HECW2: variants seen among roughly 807,000 people sequenced by gnomAD.
HECW2 encodes E3 ubiquitin-protein ligase HECW2.
A neutral mutation model predicts 175.2 loss-of-function variants in HECW2; 61 were observed. The ratio of observed to expected loss-of-function variants is 0.35; its 90% CI spans 0.28 to 0.43. The LOEUF is 0.43. Among genes scored for constraint, HECW2 ranks in the 20% least tolerant of loss-of-function variants. The pLI is 1.00. For synonymous variants in HECW2, 671 were observed against 731.0 expected (o/e 0.92, Z 1.32); for missense variants, 1,524 against 2,000.5 (o/e 0.76, Z 4.54).
intron 1 of HECW2, among the ~76,000 whole-genome samples, chr2:196,496,426 C>T (rs1400101482): frequency 1.3e-5 from 2 of 151,542 alleles, no homozygotes; most frequent in African/African-American, 4.9e-5. Flanking sequence ...ATATATAGTA[C>T]ATATATTTAT....
rs566863421 is a variant in HECW2 at position 196,563,480 on chromosome 2, C to T, written c.-36+30028G>A. 2.8e-5 allele frequency among the ~76,000 whole-genome samples: 4 copies of T among 141,358 alleles called. No individual in the cohort carries two copies. The South Asian group carries it at 8.3e-4, about 29-fold the overall frequency. 92.7% of individuals were successfully genotyped at this position (141,358 alleles called of 152,430 possible). ...ACCCAGGAGGCTGAGGCAGGAGAAT[C>T]GCTTGAACCCAGGAGGCGGAGGTTG... On this transcript the variant is annotated intron_variant, in intron 1 of 28. Transcript: ENST00000644978.
intron 3 of HECW2, among the ~76,000 whole-genome samples, chr2:196,334,937 A>G (rs1263102996): frequency 1.3e-5 from 2 of 152,190 alleles, no homozygotes; most frequent in African/African-American, 4.8e-5. Flanking sequence ...GGTCAGACAG[A>G]TAAGAAATGA....
chr2:196,555,720 G>GA (rs1689771405), intron 1 of HECW2, among the ~76,000 whole-genome samples: 1 of 152,098 alleles, frequency 6.6e-6, no homozygotes, highest in Non-Finnish European at 1.5e-5. Context: ...TTTTTAAAAA[G>GA]AAAAGACAGC....
chr2:196,387,255 T>C (rs1465128085), intron 2 of HECW2, among the ~76,000 whole-genome samples: 1 of 152,158 alleles, frequency 6.6e-6, no homozygotes, highest in African/African-American at 2.4e-5. Context: ...GGTCTGGATG[T>C]GTCTCTCAAA....
chr2:196,581,715 G>T (rs1690792347), intron 1 of HECW2, among the ~76,000 whole-genome samples: 1 of 152,054 alleles, frequency 6.6e-6, no homozygotes, highest in African/African-American at 2.4e-5. Context: ...CTTATAATCA[G>T]TTCAGGTCAA....
chr2:196,536,434 G>A (rs1689025450), intron 1 of HECW2, among the ~76,000 whole-genome samples: 1 of 152,198 alleles, frequency 6.6e-6, no homozygotes, highest in Admixed American at 6.5e-5. Context: ...TTGCTTTCCA[G>A]AGGATGTGTC....
At position 196,271,226 on chromosome 2, in the gene HECW2, C is replaced by T. The variant is rs754076339; in HGVS notation, c.3302G>A (p.Arg1101His). Reference protein sequence around the residue: ...QPNIFEILQERQPDLTRNHSL... With the variant: ...QPNIFEILQEHQPDLTRNHSL... ...GTGATTCCTGGTAAGATCAGGTTGA[C>T]GCTCCTGTAGAATTTCAAAGATATT... Residue 1101 changes from arginine to histidine, a missense_variant, in exon 17 of 29, where the codon CGT becomes CAT. Transcript: ENST00000644978. 4.3e-6 allele frequency: 7 copies of T among 1,610,308 alleles called. No individual in the cohort carries two copies. Among genetic ancestry groups the T allele is most frequent in the East Asian group, 2.2e-5 (1 of 44,854 alleles).
At chr2:196,570,229 T>C (rs1009291065) in intron 1 of HECW2, among the ~76,000 whole-genome samples, 1 of 152,238 alleles carries the variant, frequency 6.6e-6, no homozygotes, top group South Asian at 2.1e-4. Flanking sequence ...ATGATCCTTA[T>C]GGTACTTTAC....
At position 196,347,046 on chromosome 2, in the gene HECW2, T is replaced by TTTTA. The variant is rs199883743; in HGVS notation, c.293-3286_293-3283dup. On this transcript the variant is annotated intron_variant, in intron 2 of 28. Coordinates refer to ENST00000644978, the MANE Select transcript of HECW2 (RefSeq NM_001348768.2). ...AAAATTCCATTTCCGTTTGGTGACT[T>TTTTA]TTTATTTATTTATTTATTTTTTTTG... is the stretch of plus-strand genomic sequence containing the variant. Among the ~76,000 whole-genome samples, 187 of 151,598 alleles carry TTTTA rather than the reference T, an allele frequency of 1.2e-3. 1 individual carries two copies. The highest frequency in any genetic ancestry group is 4.2e-3 in the African/African-American group (175 of 41,338).
intron 2 of HECW2, among the ~76,000 whole-genome samples, chr2:196,402,110 A>G (rs1575504434): frequency 1.4e-5 from 2 of 147,654 alleles, no homozygotes; most frequent in Non-Finnish European, 3.0e-5. Context: ...CTGAGGCAGG[A>G]GAATGGCATG....
intron 1 of HECW2, among the ~76,000 whole-genome samples, chr2:196,491,803 T>C (rs1266990526): frequency 6.6e-6 from 1 of 151,978 alleles, no homozygotes; most frequent in Non-Finnish European, 1.5e-5. Context: ...ATCTAATCTC[T>C]TCCGTATTAT....
At chr2:196,460,984 G>T (rs1295669636) in intron 1 of HECW2, among the ~76,000 whole-genome samples, 1 of 151,922 alleles carries the variant, frequency 6.6e-6, no homozygotes, top group East Asian at 1.9e-4. Context: ...AATTACGTGA[G>T]AAAATATTCT....
chr2:196,359,100 G>C (rs1471075783), intron 2 of HECW2, among the ~76,000 whole-genome samples: 1 of 152,102 alleles, frequency 6.6e-6, no homozygotes, highest in African/African-American at 2.4e-5. Flanking sequence ...GAGTTACCAG[G>C]AATGATAATA....
intron 1 of HECW2, among the ~76,000 whole-genome samples, chr2:196,549,246 T>C (rs375039388): frequency 6.6e-6 from 1 of 152,286 alleles, no homozygotes; most frequent in Admixed American, 6.5e-5. Context: ...GGTCAAAAAA[T>C]AGAGCACAGT....
intron 4 of HECW2, among the ~76,000 whole-genome samples, chr2:196,331,720 G>C (rs1692367920): frequency 1.3e-5 from 2 of 152,128 alleles, no homozygotes; most frequent in Non-Finnish European, 2.9e-5. Flanking sequence ...CACAGAAAAA[G>C]TGTCCTGAAC....
intron 2 of HECW2, among the ~76,000 whole-genome samples, chr2:196,371,112 C>T (rs1575471701): frequency 6.6e-6 from 1 of 152,152 alleles, no homozygotes; most frequent in East Asian, 1.9e-4. Flanking sequence ...TCTTGCTCTG[C>T]CCCCTAAAGT....
At chr2:196,569,677 T>C (rs1559180422) in intron 1 of HECW2, among the ~76,000 whole-genome samples, 1 of 152,214 alleles carries the variant, frequency 6.6e-6, no homozygotes, top group East Asian at 1.9e-4. Flanking sequence ...CCAGTGTAAT[T>C]ATCATACTCA....
At chr2:196,205,944 A>T (rs889339550) in intron 28 of HECW2, among the ~76,000 whole-genome samples, 3 of 152,190 alleles carry the variant, frequency 2.0e-5, no homozygotes, top group Non-Finnish European at 2.9e-5. Context: ...TAGTGTGGTT[A>T]AATAAATTGC....
rs557330736 is a variant in HECW2, at chr2:196,346,723, G to A, written c.293-2959C>T. 5.3e-5 allele frequency among the ~76,000 whole-genome samples: 8 copies of A among 152,092 alleles called. No individual in the cohort carries two copies. In the East Asian group the frequency reaches 9.7e-4, roughly 18 times the overall value. ...CATGTAGAAAATTCCATTTCCAGCC[G>A]GGCACAGTGGCTCACACCTGTAATC... On this transcript the variant is annotated intron_variant, in intron 2 of 28. Coordinates refer to ENST00000644978, the MANE Select transcript of HECW2 (RefSeq NM_001348768.2).
Sources: allele counts gnomAD v4.1 joint callset (sites outside exome capture counted in the v4.1 genomes callset), GRCh38; gene constraint gnomAD v4.1.1; transcripts MANE v1.5; gene names NCBI Gene and HGNC (gene_info 2026-07-23, HGNC 2026-07-21).